Variants in TGFBR2 observed in about 807,000 individuals in gnomAD.
TGFBR2 encodes TGF-beta receptor type-2.
Under a neutral mutation model 49.0 loss-of-function variants are expected in TGFBR2, and 18 were observed. That is an observed-to-expected ratio of 0.37 (90% CI 0.25 to 0.54). The LOEUF (loss-of-function observed/expected upper bound fraction) is 0.54. Ranked by LOEUF, TGFBR2 falls within the 20% of genes least tolerant of loss-of-function variation. TGFBR2 has a pLI of 0.85. For missense variants in TGFBR2, 525 were observed against 722.6 expected, an observed-to-expected ratio of 0.73 and a Z score of 3.13; for synonymous variants, 282 against 275.9, an observed-to-expected ratio of 1.02 and a Z score of -0.22.
chr3:30,608,769 G>A (rs1409263071), intron 1 of TGFBR2, among the ~76,000 whole-genome samples: 9 of 152,050 alleles, frequency 5.9e-5, no homozygotes, highest in Non-Finnish European at 1.5e-5. Flanking sequence ...TTAGTGTTTC[G>A]TTCTTGGCGT....
intron 3 of TGFBR2, among the ~76,000 whole-genome samples, chr3:30,658,315 C>T (rs1197055507): frequency 6.6e-6 from 1 of 152,226 alleles, no homozygotes; most frequent in Non-Finnish European, 1.5e-5. Context: ...CCAGTTTTTA[C>T]CCTGTTTTCT....
intron 1 of TGFBR2, among the ~76,000 whole-genome samples, chr3:30,609,602 T>G (rs1431816215): frequency 6.6e-6 from 1 of 152,218 alleles, no homozygotes; most frequent in African/African-American, 2.4e-5. Context: ...ATGACTCTTT[T>G]GGGGAAAACT....
intron 1 of TGFBR2, chr3:30,623,190 G>A (rs776715126): frequency 1.4e-6 from 2 of 1,423,162 alleles, no homozygotes; most frequent in Non-Finnish European, 2.0e-6. Context: ...TAATTATCCT[G>A]TTTTACAGAT....
intron 1 of TGFBR2, among the ~76,000 whole-genome samples, chr3:30,620,261 C>T (rs948446830): frequency 6.6e-6 from 1 of 152,140 alleles, no homozygotes; most frequent in Non-Finnish European, 1.5e-5. Flanking sequence ...CTGATTTTGC[C>T]ATAGCTCTTA....
chr3:30,607,013 G>C, intron 1 of TGFBR2, 36 bp downstream of exon 1: 1 of 1,537,470 alleles, frequency 6.5e-7, no homozygotes, highest in African/African-American at 1.4e-5. Context: ...GCGGGGCGCC[G>C]GGGGTCTTCC....
chr3:30,644,980 A>T, intron 2 of TGFBR2, 65 bp downstream of exon 2: 1 of 1,425,996 alleles, frequency 7.0e-7, no homozygotes, highest in Non-Finnish European at 9.9e-7. Context: ...TTCTCATAGT[A>T]CACACAGTCA....
chr3:30,629,390 C>T (rs1698395561), intron 1 of TGFBR2, among the ~76,000 whole-genome samples: 1 of 152,138 alleles, frequency 6.6e-6, no homozygotes, highest in African/African-American at 2.4e-5. Context: ...CCAGCTCCTC[C>T]CAGTGGGGAA....
intron 5 of TGFBR2, among the ~76,000 whole-genome samples, chr3:30,677,381 A>G (rs1699458909): frequency 1.3e-5 from 2 of 152,206 alleles, no homozygotes; most frequent in African/African-American, 2.4e-5. Context: ...GGAACCGGAA[A>G]GAGGCCATCC....
chr3:30,681,475 G>C (rs1217549565), intron 5 of TGFBR2, among the ~76,000 whole-genome samples: 2 of 152,144 alleles, frequency 1.3e-5, no homozygotes, highest in Non-Finnish European at 2.9e-5. Context: ...TGCCCTCTGA[G>C]GGTTGTGGAA....
chr3:30,618,202 C>A (rs1156506369), intron 1 of TGFBR2, among the ~76,000 whole-genome samples: 4 of 151,818 alleles, frequency 2.6e-5, no homozygotes, highest in African/African-American at 9.7e-5. Context: ...AACTGTAGAA[C>A]CCAAGGACCC....
At chr3:30,643,825 G>C (rs1233886729) in intron 1 of TGFBR2, among the ~76,000 whole-genome samples, 2 of 152,214 alleles carry the variant, frequency 1.3e-5, no homozygotes, top group African/African-American at 4.8e-5. Flanking sequence ...AAATAAAACA[G>C]AGTTGCTATA....
chr3:30,653,222 A>G (rs1698927120), intron 3 of TGFBR2, among the ~76,000 whole-genome samples: 1 of 140,360 alleles, frequency 7.1e-6, no homozygotes, highest in Non-Finnish European at 1.6e-5. Context: ...TATTGCCACC[A>G]TCTCTTCTTT....
chr3:30,621,574 C>A (rs1417757397), intron 1 of TGFBR2, among the ~76,000 whole-genome samples: 2 of 152,166 alleles, frequency 1.3e-5, no homozygotes, highest in African/African-American at 4.8e-5. Context: ...GGCCACTGCA[C>A]CTGACCAGAA....
intron 1 of TGFBR2, among the ~76,000 whole-genome samples, chr3:30,642,368 G>A (rs553614410): frequency 1.2e-4 from 18 of 152,230 alleles, no homozygotes; most frequent in Admixed American, 5.2e-4. Flanking sequence ...ACTAACTATA[G>A]GTCTGGGTTC....
intron 1 of TGFBR2, among the ~76,000 whole-genome samples, chr3:30,622,592 A>T (rs1575133459): frequency 6.6e-6 from 1 of 152,136 alleles, no homozygotes; most frequent in African/African-American, 2.4e-5. Context: ...CAGATAGAAA[A>T]CTAGTACCAG....
chr3:30,633,584 G>T (rs1234796801), intron 1 of TGFBR2, among the ~76,000 whole-genome samples: 1 of 152,178 alleles, frequency 6.6e-6, no homozygotes, highest in Non-Finnish European at 1.5e-5. Flanking sequence ...AGGGGAGTAG[G>T]TGACATGAAG....
chr3:30,669,325 C>G lies in TGFBR2; in HGVS notation c.455-2313C>G, dbSNP rs182986211. On this transcript the variant is annotated intron_variant, in intron 3 of 6. Coordinates refer to ENST00000295754, the MANE Select transcript of TGFBR2 (RefSeq NM_003242.6). Reference sequence around the variant, plus strand: ...TAGCTATGTAGACTGGGGTATATAACCTGGGGTTCATCATCATGAGCCAGG... The same window carrying G: ...TAGCTATGTAGACTGGGGTATATAAGCTGGGGTTCATCATCATGAGCCAGG... Among the ~76,000 whole-genome samples, 235 of 151,642 alleles carry G rather than the reference C, an allele frequency of 1.5e-3. 1 individual carries two copies. The highest frequency in any genetic ancestry group is 2.9e-3 in the Non-Finnish European group (198 of 67,914).
intron 1 of TGFBR2, among the ~76,000 whole-genome samples, chr3:30,615,875 C>T (rs968952077): frequency 6.6e-6 from 1 of 151,968 alleles, no homozygotes; most frequent in African/African-American, 2.4e-5. Context: ...TAAAGGCATG[C>T]ACCACCAAGA....
chr3:30,623,371 G>A, intron 1 of TGFBR2: 1 of 1,444,692 alleles, frequency 6.9e-7, no homozygotes, highest in Non-Finnish European at 9.7e-7. Flanking sequence ...AAAATCTATA[G>A]TCTCCTCGTA....
Sources: allele counts gnomAD v4.1 joint callset (sites outside exome capture counted in the v4.1 genomes callset), GRCh38; gene constraint gnomAD v4.1.1; transcripts MANE v1.5; gene names NCBI Gene and HGNC (gene_info 2026-07-23, HGNC 2026-07-21).